CPS1: variants seen among roughly 807,000 people sequenced by gnomAD.
CPS1 encodes the protein carbamoyl-phosphate synthase [ammonia], mitochondrial.
Under a neutral mutation model 174.6 loss-of-function variants are expected in CPS1, and 109 were observed. The observed-to-expected ratio is 0.62, with a 90% CI of 0.53 to 0.73. CPS1 has a LOEUF of 0.73. Among genes scored for constraint, CPS1 ranks in the 30% least tolerant of loss-of-function variants. The pLI is 0.00. For missense variants in CPS1, 1,689 were observed against 1,821.9 expected, an observed-to-expected ratio of 0.93 and a Z score of 1.33; for synonymous variants, 637 against 632.0, an observed-to-expected ratio of 1.01 and a Z score of -0.12.
intron 1 of CPS1, among the ~76,000 whole-genome samples, chr2:210,549,538 A>G (rs1354694724): frequency 6.6e-6 from 1 of 152,052 alleles, no homozygotes; most frequent in African/African-American, 2.4e-5. Flanking sequence ...TAGTTGTTCC[A>G]TCATTTACAC....
intron 1 of CPS1, among the ~76,000 whole-genome samples, chr2:210,551,383 A>C (rs1376777927): frequency 6.6e-6 from 1 of 152,020 alleles, no homozygotes; most frequent in Non-Finnish European, 1.5e-5. Flanking sequence ...GTATGCACAT[A>C]ACATTGGCCT....
In CPS1 at chr2:210,599,490, C is replaced by T. The variant is rs199878637; in HGVS notation, c.1478C>T (p.Thr493Ile). ...CTTCCCATCACCCCTCAGTTTGTCA[C>T]AGAGGTCATCAAGGCAGAACAGCCA... ...YFLPITPQFVTEVIKAEQPDG... is the reference protein window; with the variant it reads ...YFLPITPQFVIEVIKAEQPDG... Residue 493 changes from threonine to isoleucine, a missense_variant, in exon 14 of 38, where the codon ACA becomes ATA. Coordinates refer to ENST00000233072, the MANE Select transcript of CPS1 (RefSeq NM_001875.5). 9.0e-5 allele frequency: 145 copies of T among 1,612,572 alleles called. No individual in the cohort carries two copies. The highest frequency in any genetic ancestry group is 1.2e-4 in the Non-Finnish European group (136 of 1,179,078).
intron 1 of CPS1, among the ~76,000 whole-genome samples, chr2:210,528,921 C>G (rs1359058214): frequency 7.0e-6 from 1 of 142,826 alleles, no homozygotes; most frequent in Admixed American, 7.4e-5. Context: ...AAAACGTTAA[C>G]TTTTACAGCA....
chr2:210,668,094 G>GTGTT, intron 33 of CPS1, 92 bp from the exon 34 acceptor site: 1 of 758,092 alleles, frequency 1.3e-6, no homozygotes, highest in East Asian at 2.7e-5. Context: ...GTGTGTGTGT[G>GTGTT]TGTGTGTGTG....
intron 1 of CPS1, among the ~76,000 whole-genome samples, chr2:210,486,036 T>G (rs935358190): frequency 1.3e-5 from 2 of 150,982 alleles, no homozygotes; most frequent in South Asian, 4.2e-4. Context: ...GTTACATTTT[T>G]TAATGCTTAT....
At chr2:210,596,957 A>G (rs1698503349) in intron 13 of CPS1, among the ~76,000 whole-genome samples, 1 of 151,746 alleles carries the variant, frequency 6.6e-6, no homozygotes, top group Non-Finnish European at 1.5e-5. Context: ...TGGTGCATAT[A>G]TTGCAACAAG....
intron 5 of CPS1, among the ~76,000 whole-genome samples, chr2:210,581,292 G>T (rs1574549801): frequency 6.6e-6 from 1 of 152,214 alleles, no homozygotes; most frequent in East Asian, 1.9e-4. Context: ...AACTTTACAA[G>T]ACCGCACTTG....
intron 1 of CPS1, among the ~76,000 whole-genome samples, chr2:210,521,004 C>A (rs1412124334): frequency 6.6e-6 from 1 of 152,020 alleles, no homozygotes; most frequent in Non-Finnish European, 1.5e-5. Flanking sequence ...GTATGTTAGG[C>A]TTTTCATGAA....
chr2:210,657,925 G>A (rs1406806728), intron 30 of CPS1, among the ~76,000 whole-genome samples: 4 of 152,210 alleles, frequency 2.6e-5, no homozygotes, highest in Admixed American at 6.5e-5. Context: ...AGCTCAATGT[G>A]TCATAGACTC....
At chr2:210,652,852 T>C (rs1486272017) in intron 28 of CPS1, among the ~76,000 whole-genome samples, 1 of 151,906 alleles carries the variant, frequency 6.6e-6, no homozygotes, top group African/African-American at 2.4e-5. Flanking sequence ...GGAGAGAGTA[T>C]AGAAGAAAAG....
chr2:210,665,548 TC>T (rs1016917156), intron 33 of CPS1, among the ~76,000 whole-genome samples: 17 of 149,406 alleles, frequency 1.1e-4, no homozygotes, highest in African/African-American at 3.9e-4. Flanking sequence ...ATTGTTCAAT[TC>T]CCACCTATGA....
intron 29 of CPS1, among the ~76,000 whole-genome samples, chr2:210,655,947 A>ACTCAG (rs1452592262): frequency 1.3e-5 from 2 of 152,170 alleles, no homozygotes; most frequent in African/African-American, 4.8e-5. Flanking sequence ...CAAAATCCTA[A>ACTCAG]CTCAGTCACA....
chr2:210,648,005 T>C lies in CPS1; in HGVS notation c.3284T>C (p.Val1095Ala). ...GAGGATCGCTCCATCTTCTCAGCTG[T>C]CTTGGATGAGCTGAAGGTGGCTCAG... ...RAEDRSIFSA[V>A]LDELKVAQAP... The change falls in exon 26 of 38, where the codon GTC becomes GCC. Residue 1095 changes from valine (V) to alanine (A), a missense_variant. Val to Ala is a moderately conservative substitution (Grantham distance 64, BLOSUM62 0). Coordinates refer to ENST00000233072, the MANE Select transcript of CPS1 (RefSeq NM_001875.5). The C allele has an allele frequency of 3.7e-6, 6 of 1,614,008 alleles. No homozygotes were observed. Among genetic ancestry groups the C allele is most frequent in the South Asian group, 1.1e-5 (1 of 91,088 alleles).
chr2:210,587,926 A>G (rs777800835), intron 6 of CPS1, 132 bp from the exon 7 acceptor site: 1 of 825,734 alleles, frequency 1.2e-6, no homozygotes, highest in Non-Finnish European at 2.2e-6. Flanking sequence ...GTTAACTGCC[A>G]GTCACTCCCT....
intron 35 of CPS1, among the ~76,000 whole-genome samples, chr2:210,675,463 AATT>A (rs1701494529): frequency 1.3e-5 from 2 of 152,234 alleles, no homozygotes. Flanking sequence ...ATTGTCATTG[AATT>A]ATTAAATTCA....
intron 34 of CPS1, chr2:210,674,552 C>G: frequency 3.6e-6 from 1 of 276,854 alleles, no homozygotes; most frequent in Non-Finnish European, 7.0e-6. Flanking sequence ...GGTACTGGCT[C>G]CTAACCCGCA....
intron 17 of CPS1, among the ~76,000 whole-genome samples, chr2:210,606,218 T>C (rs1469516969): frequency 1.3e-5 from 2 of 151,830 alleles, no homozygotes; most frequent in African/African-American, 2.4e-5. Flanking sequence ...ATGTAAAGAA[T>C]GAGAGAGAAG....
At chr2:210,657,763 T>A (rs547976505) in intron 30 of CPS1, 57 of 152,316 alleles carry the variant, frequency 3.7e-4, no homozygotes, top group African/African-American at 1.3e-3. Flanking sequence ...TGGGCTGGAT[T>A]CTGAAGGTCT....
chr2:210,609,127 A>G (rs187806401), intron 19 of CPS1, among the ~76,000 whole-genome samples: 29 of 152,098 alleles, frequency 1.9e-4, no homozygotes, highest in African/African-American at 6.7e-4. Context: ...TAATTATACT[A>G]AAAAGTTCTA....
Sources: allele counts gnomAD v4.1 joint callset (sites outside exome capture counted in the v4.1 genomes callset), GRCh38; gene constraint gnomAD v4.1.1; transcripts MANE v1.5; gene names NCBI Gene and HGNC (gene_info 2026-07-23, HGNC 2026-07-21).